LTBP1: variants seen among roughly 807,000 people sequenced by gnomAD.
LTBP1 encodes the protein latent transforming growth factor beta binding protein 1.
LTBP1 carries 129 observed loss-of-function variants against 207.6 expected under a neutral mutation model. That is an observed-to-expected ratio of 0.62 (90% CI 0.54 to 0.72). LTBP1 has a LOEUF of 0.72. LTBP1 is among the 30% of genes least tolerant of loss of function. LTBP1 has a pLI of 0.00. For missense variants in LTBP1, 2,281 were observed against 2,217.2 expected (o/e 1.03, Z -0.58); for synonymous variants, 963 against 833.7 (o/e 1.16, Z -2.67).
chr2:33,353,860 C>CTTT (rs1321533317), intron 26 of LTBP1, among the ~76,000 whole-genome samples: 3 of 98,304 alleles, frequency 3.1e-5, no homozygotes, highest in African/African-American at 5.0e-5. Flanking sequence ...GCATGTACGC[C>CTTT]TTTTTTTTTT....
intron 10 of LTBP1, among the ~76,000 whole-genome samples, chr2:33,245,554 C>T (rs1385147333): frequency 1.3e-5 from 2 of 152,176 alleles, no homozygotes; most frequent in African/African-American, 4.8e-5. Context: ...CAGACAGACA[C>T]CTAATTATAA....
At chr2:33,213,630 C>G (rs2090472335) in intron 7 of LTBP1, among the ~76,000 whole-genome samples, 2 of 152,154 alleles carry the variant, frequency 1.3e-5, no homozygotes, top group Non-Finnish European at 2.9e-5. Context: ...GTTCAGTGGT[C>G]TCTTGGGTGA....
intron 32 of LTBP1, among the ~76,000 whole-genome samples, chr2:33,389,537 C>G (rs951796721): frequency 6.6e-6 from 1 of 152,164 alleles, no homozygotes; most frequent in African/African-American, 2.4e-5. Flanking sequence ...GATCACACCA[C>G]TGCACTCCAG....
rs753344473 is a variant in LTBP1, at chr2:33,243,639, T to C, written c.1877-23T>C. The C allele has an allele frequency of 3.1e-6, 5 of 1,612,560 alleles. No homozygotes were observed. In the South Asian group the frequency reaches 5.5e-5, roughly 18 times the overall value. On this transcript the variant is annotated intron_variant, in intron 9 of 33. Transcript: ENST00000404816. Reference sequence around the variant, plus strand: ...CTCAATGGGGCTTGACTGCTCCTTCTAAAGAATTGTGTTTTCCTGCAGATA... The same window carrying C: ...CTCAATGGGGCTTGACTGCTCCTTCCAAAGAATTGTGTTTTCCTGCAGATA...
intron 15 of LTBP1, among the ~76,000 whole-genome samples, chr2:33,264,159 G>A (rs2093105385): frequency 6.6e-6 from 1 of 151,118 alleles, no homozygotes. Flanking sequence ...AGAAGGCTGA[G>A]GCAGGAGAAT....
At chr2:33,324,635 G>T (rs1559013477) in intron 24 of LTBP1, among the ~76,000 whole-genome samples, 1 of 150,826 alleles carries the variant, frequency 6.6e-6, no homozygotes, top group Non-Finnish European at 1.5e-5. Flanking sequence ...ATACATACTT[G>T]TGAATGAAAT....
At chr2:33,028,871 AC>A (rs1360770621) in intron 3 of LTBP1, among the ~76,000 whole-genome samples, 1 of 152,230 alleles carries the variant, frequency 6.6e-6, no homozygotes. Flanking sequence ...GAAAAGGCTG[AC>A]GGCAAAGCCC....
intron 15 of LTBP1, among the ~76,000 whole-genome samples, chr2:33,266,214 A>G (rs910213647): frequency 1.3e-5 from 2 of 152,210 alleles, no homozygotes; most frequent in African/African-American, 4.8e-5. Context: ...CCAGTTGTGC[A>G]TGTGCTTGGG....
At chr2:33,089,155 C>CAA (rs61009791) in intron 3 of LTBP1, among the ~76,000 whole-genome samples, 6 of 96,406 alleles carry the variant, frequency 6.2e-5, no homozygotes, top group South Asian at 3.6e-4. Context: ...GACTCAGTCT[C>CAA]AAAAAAAAAA....
chr2:33,222,635 A>G (rs1355775874), intron 9 of LTBP1, among the ~76,000 whole-genome samples: 1 of 152,212 alleles, frequency 6.6e-6, no homozygotes. Context: ...AAAGCTATGT[A>G]GCTAAGTGTG....
chr2:33,002,624 T>C (rs1686195656), intron 2 of LTBP1, among the ~76,000 whole-genome samples: 1 of 152,088 alleles, frequency 6.6e-6, no homozygotes, highest in Admixed American at 6.6e-5. Context: ...CATGATGCCC[T>C]GAAAAAACAT....
At chr2:33,290,266 C>T (rs1462134984) in intron 19 of LTBP1, among the ~76,000 whole-genome samples, 2 of 152,326 alleles carry the variant, frequency 1.3e-5, no homozygotes, top group East Asian at 1.9e-4. Context: ...ATGCTGCCAC[C>T]TTGACAACCA....
Position 33,320,145 on chromosome 2 carries a change from G to T in LTBP1, c.3730+4876G>T, listed in dbSNP as rs111649504. Among the ~76,000 whole-genome samples, 239 of 152,284 alleles carry T rather than the reference G, an allele frequency of 1.6e-3. 2 individuals are homozygous for T. Among genetic ancestry groups the T allele is most frequent in the African/African-American group, 5.3e-3 (222 of 41,564 alleles). On this transcript the variant is annotated intron_variant, in intron 24 of 33. Coordinates refer to ENST00000404816, the MANE Select transcript of LTBP1 (RefSeq NM_206943.4). ...GCACTTTGGGAGGCTGAGGCGGGTGGATCACTTGAGGTCAGGAGTTCGAGG... is the reference window on the plus strand; with the variant it reads ...GCACTTTGGGAGGCTGAGGCGGGTGTATCACTTGAGGTCAGGAGTTCGAGG...
chr2:33,169,807 A>G (rs1338902701), intron 5 of LTBP1, among the ~76,000 whole-genome samples: 1 of 152,216 alleles, frequency 6.6e-6, no homozygotes, highest in Non-Finnish European at 1.5e-5. Flanking sequence ...ATTCTAAGAG[A>G]TAGGTAAAAT....
intron 22 of LTBP1, among the ~76,000 whole-genome samples, chr2:33,308,011 C>T (rs772213237): frequency 9.2e-5 from 14 of 152,182 alleles, no homozygotes; most frequent in Non-Finnish European, 1.8e-4. Flanking sequence ...TTCACTTCTT[C>T]CTGGAATCTC....
chr2:33,158,162 A>G lies in LTBP1; in HGVS notation c.1201+23202A>G, dbSNP rs868531009. On this transcript the variant is annotated intron_variant, in intron 5 of 33. Transcript: ENST00000404816. ...CAAAAAAAAAACAAAAAAAAAAAAA[A>G]AAAGAGAGAGAGAGAGAATATATAT... Among the ~76,000 whole-genome samples, 835 of 139,792 alleles carry G rather than the reference A, an allele frequency of 6.0e-3. 7 individuals carry two copies. Among genetic ancestry groups the G allele is most frequent in the Non-Finnish European group, 9.9e-3 (599 of 60,706 alleles). 91.7% of individuals were successfully genotyped at this position (139,792 alleles called of 152,430 possible).
intron 26 of LTBP1, among the ~76,000 whole-genome samples, chr2:33,354,683 T>TACACACACACACACACAC (rs71409608): frequency 3.6e-5 from 5 of 139,656 alleles, no homozygotes; most frequent in African/African-American, 1.3e-4. Context: ...ACTAAAACTA[T>TACACACACACACACACAC]ACACACACAC....
chr2:33,365,855 T>C (rs570961040), intron 31 of LTBP1, among the ~76,000 whole-genome samples: 28 of 152,358 alleles, frequency 1.8e-4, no homozygotes, highest in Non-Finnish European at 2.6e-4. Context: ...TAACAGTTTC[T>C]ACTTAGACCA....
At chr2:33,211,910 C>G (rs1433255621) in intron 7 of LTBP1, among the ~76,000 whole-genome samples, 1 of 152,022 alleles carries the variant, frequency 6.6e-6, no homozygotes. Context: ...GATCACAGCC[C>G]AACTTTGAAT....
Sources: gnomAD v4.1 joint callset for allele counts (sites outside exome capture counted in the v4.1 genomes callset) on GRCh38, gnomAD v4.1.1 for gene constraint, MANE v1.5 for transcripts, NCBI Gene and HGNC (gene_info 2026-07-23, HGNC 2026-07-21) for gene names.